The following PPM1H variants were observed in gnomAD, a reference collection of about 807,000 sequenced individuals.
PPM1H encodes protein phosphatase, Mg2+/Mn2+ dependent 1H.
Under a neutral mutation model 54.9 loss-of-function variants are expected in PPM1H, and 27 were observed. That is an observed-to-expected ratio of 0.49 (90% CI 0.36 to 0.68). PPM1H has a LOEUF of 0.68. Ranked by LOEUF, PPM1H falls within the 30% of genes least tolerant of loss-of-function variation. The pLI, the probability that PPM1H is intolerant of heterozygous loss-of-function variation, is 0.00. For synonymous variants in PPM1H, 305 were observed against 270.8 expected, an observed-to-expected ratio of 1.13 and a Z score of -1.24; for missense variants, 596 against 667.8, an observed-to-expected ratio of 0.89 and a Z score of 1.19.
chr12:62,738,831 A>G (rs1308269685), intron 4 of PPM1H, among the ~76,000 whole-genome samples: 2 of 152,120 alleles, frequency 1.3e-5, no homozygotes, highest in African/African-American at 4.8e-5. Flanking sequence ...CTTTGTGCCA[A>G]GAAGCCTCTG....
At chr12:62,764,059 C>G (rs192841207) in intron 4 of PPM1H, among the ~76,000 whole-genome samples, 1 of 152,156 alleles carries the variant, frequency 6.6e-6, no homozygotes, top group African/African-American at 2.4e-5. Context: ...TGCTCCATGC[C>G]GTGGGGACCA....
At chr12:62,928,647 A>C (rs1052011309) in intron 1 of PPM1H, among the ~76,000 whole-genome samples, 2 of 152,132 alleles carry the variant, frequency 1.3e-5, no homozygotes, top group African/African-American at 4.8e-5. Context: ...CCTGTTCCTT[A>C]AGCAAGAATC....
Position 62,844,635 on chromosome 12 carries a change from T to C in PPM1H, c.246-12356A>G, listed in dbSNP as rs1388188819. On this transcript the variant is annotated intron_variant, in intron 1 of 9. Coordinates refer to ENST00000228705, the MANE Select transcript of PPM1H (RefSeq NM_020700.2). This position sits in a 1 kb window ranked among gnomAD's most constrained non-coding sequence, Gnocchi z 5.2. ...AAAAGGACAAGGTGGACTACCAATATATTTCAATTAGTCAAGGGTAGATGT... is the reference window on the plus strand; with the variant it reads ...AAAAGGACAAGGTGGACTACCAATACATTTCAATTAGTCAAGGGTAGATGT... 1.3e-5 allele frequency among the ~76,000 whole-genome samples: 2 copies of C among 152,246 alleles called. No homozygotes were observed. Among genetic ancestry groups the C allele is most frequent in the African/African-American group, 4.8e-5 (2 of 41,466 alleles).
At chr12:62,832,397 A>G in intron 1 of PPM1H, 118 bp from the exon 2 acceptor site, 4 of 927,464 alleles carry the variant, frequency 4.3e-6, no homozygotes, top group Non-Finnish European at 6.4e-6. Flanking sequence ...GCCCTGCTTA[A>G]TGCTAAGAAC....
chr12:62,728,899 C>T (rs1398916423), intron 5 of PPM1H, among the ~76,000 whole-genome samples: 13 of 152,136 alleles, frequency 8.5e-5, no homozygotes, highest in Admixed American at 8.5e-4. Flanking sequence ...AAATTGCTTG[C>T]TAGGGAATAC....
intron 3 of PPM1H, 147 bp from the exon 4 acceptor site, chr12:62,788,485 G>C: frequency 1.7e-6 from 1 of 581,300 alleles, no homozygotes. Flanking sequence ...CCTACCACCT[G>C]ATGAGCATTT....
intron 1 of PPM1H, among the ~76,000 whole-genome samples, chr12:62,876,444 G>A (rs1428985743): frequency 6.6e-6 from 1 of 152,166 alleles, no homozygotes; most frequent in Non-Finnish European, 1.5e-5. Context: ...GATGCATTCA[G>A]TGCTTAATGC....
intron 1 of PPM1H, among the ~76,000 whole-genome samples, chr12:62,846,673 C>T (rs1177805306): frequency 1.3e-5 from 2 of 152,074 alleles, no homozygotes; most frequent in East Asian, 1.9e-4. Context: ...CTACATACCA[C>T]GATTCCTTCT....
intron 1 of PPM1H, among the ~76,000 whole-genome samples, chr12:62,911,648 T>C (rs1871463720): frequency 6.6e-6 from 1 of 152,248 alleles, no homozygotes; most frequent in Non-Finnish European, 1.5e-5. Flanking sequence ...GGCTGATTCC[T>C]GCTAATCACT....
chr12:62,835,062 T>C (rs1402265410), intron 1 of PPM1H, among the ~76,000 whole-genome samples: 1 of 152,188 alleles, frequency 6.6e-6, no homozygotes. Flanking sequence ...TGGCACCTAA[T>C]CTTGGGCTGT....
In PPM1H at chr12:62,651,476, T is replaced by A. The variant is rs553085254; in HGVS notation, c.1398-2840A>T. On this transcript the variant is annotated intron_variant, in intron 9 of 9. Transcript: ENST00000228705. Reference sequence around the variant, plus strand: ...TGCTGCTATTACTAGTGACTTTGCATATTTTTTAAATGGTCAAAATTAGCT... The same window carrying A: ...TGCTGCTATTACTAGTGACTTTGCAAATTTTTTAAATGGTCAAAATTAGCT... Among the ~76,000 whole-genome samples the A allele has an allele frequency of 2.1e-4, 32 of 152,356 alleles. No individual in the cohort carries two copies. The South Asian group carries it at 6.6e-3, about 32-fold the overall frequency.
Position 62,696,855 on chromosome 12 carries a change from C to T in PPM1H, c.1074-2856G>A, listed in dbSNP as rs189993894. Among the ~76,000 whole-genome samples the T allele has an allele frequency of 1.2e-4, 18 of 152,244 alleles. No individual in the cohort carries two copies. The East Asian group carries it at 1.9e-3, about 16-fold the overall frequency. ...CCTTAAAACCGGACTTGGACTTTTC[C>T]GGAAAACATGACAAAGAAATGTGAT... On this transcript the variant is annotated intron_variant, in intron 6 of 9. Transcript: ENST00000228705.
intron 6 of PPM1H, among the ~76,000 whole-genome samples, chr12:62,696,814 C>CA (rs34647633): frequency 0.13 from 19,168 of 151,988 alleles, 1,406 homozygotes; most frequent in African/African-American, 0.2. Flanking sequence ...CCTCCCAGAC[C>CA]AAAAAGGTGG....
At chr12:62,910,356 G>A (rs908757324) in intron 1 of PPM1H, among the ~76,000 whole-genome samples, 2 of 152,142 alleles carry the variant, frequency 1.3e-5, no homozygotes, top group African/African-American at 4.8e-5. Context: ...TGTAGTTCAG[G>A]AAAAGTTTGA....
intron 8 of PPM1H, among the ~76,000 whole-genome samples, chr12:62,674,171 T>C (rs1326357053): frequency 1.3e-5 from 2 of 152,252 alleles, no homozygotes; most frequent in East Asian, 3.8e-4. Flanking sequence ...TTTATGGCAC[T>C]GATCTCAGGG....
intron 1 of PPM1H, among the ~76,000 whole-genome samples, chr12:62,846,316 T>C (rs1868965118): frequency 6.6e-6 from 1 of 151,908 alleles, no homozygotes; most frequent in South Asian, 2.1e-4. Flanking sequence ...CTAGCCAACA[T>C]GGCAAAACCA....
At chr12:62,832,758 C>T (rs575944246) in intron 1 of PPM1H, among the ~76,000 whole-genome samples, 10 of 152,106 alleles carry the variant, frequency 6.6e-5, no homozygotes, top group Non-Finnish European at 1.2e-4. Flanking sequence ...GAACAGAGAA[C>T]CATATTTCAC....
At chr12:62,747,352 T>C (rs781373364) in intron 4 of PPM1H, among the ~76,000 whole-genome samples, 3 of 152,130 alleles carry the variant, frequency 2.0e-5, no homozygotes, top group Non-Finnish European at 4.4e-5. Flanking sequence ...GTCAGGCTGA[T>C]CTCAAACTCC....
chr12:62,905,217 T>G (rs151287240), intron 1 of PPM1H, among the ~76,000 whole-genome samples: 3 of 152,360 alleles, frequency 2.0e-5, no homozygotes, highest in East Asian at 3.9e-4. Context: ...AATTGTTAAA[T>G]AAAACTAGCA....
Sources: gnomAD v4.1 joint callset for allele counts (sites outside exome capture counted in the v4.1 genomes callset) on GRCh38, gnomAD v4.1.1 for gene constraint, Gnocchi (gnomAD v3.1) non-coding constraint, MANE v1.5 for transcripts, NCBI Gene and HGNC (gene_info 2026-07-23, HGNC 2026-07-21) for gene names.